The following BMAL1 variants were observed in gnomAD, a reference collection of about 807,000 sequenced individuals.
BMAL1 encodes the protein basic helix-loop-helix ARNT like 1.
the BMAL1 span, among the ~76,000 whole-genome samples, chr11:13,355,582 C>G: frequency 6.6e-6 from 1 of 152,180 alleles, no homozygotes; most frequent in African/African-American, 2.4e-5. Context: ...AATTAAGCAA[C>G]CTTAATCCCT....
chr11:13,362,198 T>C, the BMAL1 span, among the ~76,000 whole-genome samples: 6 of 152,234 alleles, frequency 3.9e-5, no homozygotes, highest in Non-Finnish European at 7.3e-5. Flanking sequence ...CTGATTGGCC[T>C]GAGGTTGAAT....
the BMAL1 span, among the ~76,000 whole-genome samples, chr11:13,284,077 G>GGTGTGT: frequency 0.012 from 1,041 of 85,596 alleles, 62 homozygotes; most frequent in African/African-American, 0.029. Flanking sequence ...ACAGTGTTGG[G>GGTGTGT]GTGTGTGTGT....
At chr11:13,299,000 A>C in the BMAL1 span, among the ~76,000 whole-genome samples, 3 of 152,154 alleles carry the variant, frequency 2.0e-5, no homozygotes, top group Non-Finnish European at 4.4e-5. Flanking sequence ...CCCAGCTGGC[A>C]TGTGGTAGGA....
chr11:13,349,692 TTTTCACCGAAAATATC>T, the BMAL1 span, among the ~76,000 whole-genome samples: 1 of 152,192 alleles, frequency 6.6e-6, no homozygotes, highest in African/African-American at 2.4e-5. Flanking sequence ...AAGGCATTGT[TTTTCACCGAAAATATC>T]TCCTGCCAGA....
the BMAL1 span, chr11:13,381,263 G>A: frequency 6.2e-7 from 1 of 1,613,290 alleles, no homozygotes; most frequent in Admixed American, 1.7e-5. Flanking sequence ...AGGTAAGACT[G>A]ATGATTCTTA....
chr11:13,280,172 A>G, the BMAL1 span, among the ~76,000 whole-genome samples: 3 of 152,240 alleles, frequency 2.0e-5, no homozygotes, highest in Middle Eastern at 3.2e-3. Context: ...CCCTATTTTC[A>G]TAAGAAAGTT....
chr11:13,356,419 G>A, the BMAL1 span: 12 of 555,392 alleles, frequency 2.2e-5, no homozygotes, highest in Non-Finnish European at 3.7e-5. Context: ...CAATCCTATG[G>A]TTAACTAAGC....
the BMAL1 span, among the ~76,000 whole-genome samples, chr11:13,291,260 C>T: frequency 2.0e-5 from 3 of 152,134 alleles, no homozygotes; most frequent in East Asian, 5.8e-4. Context: ...CATACAATGT[C>T]TTGTTTAGTC....
the BMAL1 span, among the ~76,000 whole-genome samples, chr11:13,296,556 C>A: frequency 6.6e-6 from 1 of 152,112 alleles, no homozygotes; most frequent in African/African-American, 2.4e-5. Flanking sequence ...TTGTTATTAC[C>A]CTCCTTTAAA....
chr11:13,370,300 C>T, the BMAL1 span, among the ~76,000 whole-genome samples: 2 of 152,126 alleles, frequency 1.3e-5, no homozygotes, highest in African/African-American at 4.8e-5. Context: ...CTCTGTTGGT[C>T]ATGTCATCTA....
the BMAL1 span, among the ~76,000 whole-genome samples, chr11:13,377,141 C>T: frequency 6.6e-6 from 1 of 152,190 alleles, no homozygotes; most frequent in African/African-American, 2.4e-5. Flanking sequence ...CAGGCTCAGC[C>T]TTGGCCCTGC....
the BMAL1 span, chr11:13,376,610 C>CA: frequency 3.1e-6 from 5 of 1,610,440 alleles, no homozygotes; most frequent in Non-Finnish European, 3.4e-6. Context: ...AGGCCTGACT[C>CA]ACGTTTCCTT....
At chr11:13,291,437 G>A in the BMAL1 span, among the ~76,000 whole-genome samples, 1 of 152,166 alleles carries the variant, frequency 6.6e-6, no homozygotes, top group African/African-American at 2.4e-5. Flanking sequence ...GGTGATGGAA[G>A]GGATAAGTAG....
the BMAL1 span, among the ~76,000 whole-genome samples, chr11:13,303,829 G>T: frequency 6.6e-6 from 1 of 152,198 alleles, no homozygotes; most frequent in African/African-American, 2.4e-5. Context: ...AGGGAGGCTG[G>T]GAAAGGAAGT....
chr11:13,381,300 A>G, the BMAL1 span: 73 of 1,588,188 alleles, frequency 4.6e-5, no homozygotes, highest in Non-Finnish European at 6.0e-5. Context: ...CTCTTGCCCA[A>G]GATCTGAAAT....
At chr11:13,296,314 G>A in the BMAL1 span, among the ~76,000 whole-genome samples, 9 of 152,222 alleles carry the variant, frequency 5.9e-5, no homozygotes, top group African/African-American at 2.2e-4. Flanking sequence ...TCTCATACCT[G>A]TCTGATGCAG....
chr11:13,308,979 A>G, the BMAL1 span, among the ~76,000 whole-genome samples: 7 of 152,130 alleles, frequency 4.6e-5, no homozygotes, highest in African/African-American at 1.7e-4. Context: ...GCAGATGAAA[A>G]GAGTTCTGGA....
At chr11:13,311,663 C>T in the BMAL1 span, among the ~76,000 whole-genome samples, 2 of 152,202 alleles carry the variant, frequency 1.3e-5, no homozygotes, top group East Asian at 1.9e-4. Context: ...TTGAGGCAGG[C>T]AAAGCATGCT....
At chr11:13,295,571 G>A in the BMAL1 span, among the ~76,000 whole-genome samples, 1 of 152,152 alleles carries the variant, frequency 6.6e-6, no homozygotes, top group Non-Finnish European at 1.5e-5. Context: ...CTCCCATTCA[G>A]CCAGTCTGGA....
Sources: allele counts gnomAD v4.1 joint callset (sites outside exome capture counted in the v4.1 genomes callset), GRCh38; gene constraint gnomAD v4.1.1; transcripts MANE v1.5; gene names NCBI Gene and HGNC (gene_info 2026-07-23, HGNC 2026-07-21).